The following ITPR2 variants were observed in gnomAD, a reference collection of about 807,000 sequenced individuals.
ITPR2 encodes inositol 1,4,5-trisphosphate-gated calcium channel ITPR2.
In ITPR2, 207 loss-of-function variants were observed where a neutral mutation model predicts 317.1. The observed-to-expected ratio is 0.65, with a 90% confidence interval of 0.58 to 0.73. The LOEUF (loss-of-function observed/expected upper bound fraction) is 0.73. Ranked by LOEUF, ITPR2 falls within the 30% of genes least tolerant of loss-of-function variation. ITPR2 has a pLI of 0.00. For synonymous variants in ITPR2, 1,156 were observed against 1,149.1 expected (o/e 1.01, Z -0.12); for missense variants, 2,613 against 3,284.0 (o/e 0.80, Z 4.99).
chr12:26,591,718 G>C (rs1031728665), intron 32 of ITPR2, among the ~76,000 whole-genome samples: 1 of 151,478 alleles, frequency 6.6e-6, no homozygotes, highest in Non-Finnish European at 1.5e-5. Flanking sequence ...CATGCCTGTA[G>C]TCCCAGCTAC....
intron 32 of ITPR2, among the ~76,000 whole-genome samples, chr12:26,588,899 A>C (rs1336825479): frequency 6.6e-6 from 1 of 152,228 alleles, no homozygotes; most frequent in Non-Finnish European, 1.5e-5. Context: ...TAGGATCCTG[A>C]CATTGATAGC....
At chr12:26,553,429 AG>A (rs1944578913) in intron 36 of ITPR2, among the ~76,000 whole-genome samples, 1 of 152,242 alleles carries the variant, frequency 6.6e-6, no homozygotes, top group South Asian at 2.1e-4. Context: ...AGCCCTACTT[AG>A]GGCTTGGCCC....
intron 54 of ITPR2, among the ~76,000 whole-genome samples, chr12:26,391,116 A>G (rs910193993): frequency 2.0e-5 from 3 of 152,228 alleles, no homozygotes; most frequent in African/African-American, 7.2e-5. Context: ...GAAGAAGTGA[A>G]TGGTAATAAA....
intron 13 of ITPR2, among the ~76,000 whole-genome samples, chr12:26,673,524 A>G (rs1174891229): frequency 6.0e-5 from 9 of 151,228 alleles, no homozygotes; most frequent in Admixed American, 5.3e-4. Flanking sequence ...TCAATAAATT[A>G]GGTATTGATG....
chr12:26,650,258 A>G (rs1239800653), intron 21 of ITPR2, among the ~76,000 whole-genome samples: 2 of 152,188 alleles, frequency 1.3e-5, no homozygotes, highest in Admixed American at 6.5e-5. Flanking sequence ...AAAGAGAAAA[A>G]GATCAGCAGT....
intron 34 of ITPR2, among the ~76,000 whole-genome samples, chr12:26,567,980 A>ATATATTATATATAT (rs1945032451): frequency 6.0e-3 from 46 of 7,604 alleles, no homozygotes; most frequent in South Asian, 0.037. Context: ...TATATATATT[A>ATATATTATATATAT]TATATATATA....
Position 26,659,278 on chromosome 12 carries a change from AT to A in ITPR2, c.1720del (p.Ile574LeufsTer33). ...QQDYRKNQEYIAKNFCVMQSQ... is the reference protein window; with the variant it reads ...QQDYRKNQEYXAKNFCVMQSQ... ...CTGCATGACACAGAAATTCTTAGCA[AT>A]ATATTCCTGCAAAGAAGAAAGGCTG... On this transcript the variant is annotated frameshift_variant, in exon 16 of 57. Transcript: ENST00000381340. LOFTEE classifies it high-confidence loss of function. 1 of 1,613,106 alleles carries A rather than the reference AT, an allele frequency of 6.2e-7. No individual in the cohort carries two copies. The highest frequency in any genetic ancestry group is 8.5e-7 in the Non-Finnish European group (1 of 1,179,690).
At chr12:26,515,966 A>G (rs1565574137) in intron 37 of ITPR2, among the ~76,000 whole-genome samples, 1 of 150,952 alleles carries the variant, frequency 6.6e-6, no homozygotes, top group Non-Finnish European at 1.5e-5. Flanking sequence ...AGAAAAAGAA[A>G]AAAGCTGGGT....
chr12:26,352,673 A>G lies in ITPR2; in HGVS notation c.7858-12345T>C, dbSNP rs1023546354. On this transcript the variant is annotated intron_variant, in intron 55 of 56. Transcript: ENST00000381340. ...CTGGGTGCTTGAAAATGCACACTTG[A>G]CAGACAACAGTTTTCCCCTGGAGGA... Among the ~76,000 whole-genome samples, 3 of 152,348 alleles carry G rather than the reference A, an allele frequency of 2.0e-5. No individual in the cohort carries two copies. In the East Asian group the frequency reaches 5.8e-4, roughly 29 times the overall value.
At chr12:26,390,764 T>C (rs1939808495) in intron 54 of ITPR2, among the ~76,000 whole-genome samples, 1 of 152,066 alleles carries the variant, frequency 6.6e-6, no homozygotes, top group East Asian at 1.9e-4. Context: ...AATAGAGCTA[T>C]TAACAACAAC....
intron 21 of ITPR2, among the ~76,000 whole-genome samples, chr12:26,636,602 ACTTTC>A (rs1204993920): frequency 1.3e-5 from 2 of 152,350 alleles, no homozygotes; most frequent in East Asian, 3.8e-4. Flanking sequence ...GTTTTTGCTT[ACTTTC>A]CTTTATACTT....
chr12:26,544,732 A>T (rs560299280), intron 37 of ITPR2, among the ~76,000 whole-genome samples: 2 of 151,790 alleles, frequency 1.3e-5, no homozygotes, highest in East Asian at 1.9e-4. Flanking sequence ...ATATTAGAAT[A>T]GCTCGTGTGA....
rs755644595 is a variant in ITPR2 at position 26,398,993 on chromosome 12, T to C, written c.7579A>G (p.Ile2527Val). The change falls in exon 54 of 57, where the codon ATT becomes GTT. Residue 2527 changes from isoleucine to valine, a missense_variant. Around this residue, in one of 9 missense-constraint regions of ITPR2, gnomAD observed 28 missense variants for 76.0 expected, o/e 0.37. Transcript: ENST00000381340. The stretch of plus-strand genomic sequence containing the variant: ...AAGTTCAGAACAATAATGATAACAA[T>C]GAAATAAAAAAGAAGGTCATAAACC... ...RVVYDLLFYFIVIIIVLNLIF... is the reference protein window; with the variant it reads ...RVVYDLLFYFVVIIIVLNLIF... 16 of 1,604,244 alleles carry C rather than the reference T, an allele frequency of 1.0e-5. No individual in the cohort carries two copies. The highest frequency in any genetic ancestry group is 2.2e-5 in the South Asian group (2 of 88,894).
intron 2 of ITPR2, among the ~76,000 whole-genome samples, chr12:26,729,828 G>A (rs1307269162): frequency 6.6e-6 from 1 of 152,040 alleles, no homozygotes; most frequent in Non-Finnish European, 1.5e-5. Context: ...TGAGAGGAGG[G>A]AGAGGATCAA....
chr12:26,619,055 T>C (rs1946437237), intron 26 of ITPR2, among the ~76,000 whole-genome samples: 1 of 152,216 alleles, frequency 6.6e-6, no homozygotes, highest in Admixed American at 6.5e-5. Flanking sequence ...AAGCTGTACC[T>C]TAATATCAAC....
At chr12:26,586,359 A>C (rs1321334898) in intron 32 of ITPR2, among the ~76,000 whole-genome samples, 2 of 152,262 alleles carry the variant, frequency 1.3e-5, no homozygotes, top group Non-Finnish European at 1.5e-5. Flanking sequence ...GCTGGGTCTC[A>C]AGCTTCTGGC....
chr12:26,791,298 G>T (rs189867272), intron 1 of ITPR2, among the ~76,000 whole-genome samples: 9 of 151,866 alleles, frequency 5.9e-5, no homozygotes, highest in African/African-American at 2.2e-4. Flanking sequence ...CCAGAATATT[G>T]TGAGAATGCA....
chr12:26,535,718 G>C (rs932758093), intron 37 of ITPR2, among the ~76,000 whole-genome samples: 1 of 151,976 alleles, frequency 6.6e-6, no homozygotes, highest in Non-Finnish European at 1.5e-5. Flanking sequence ...CAAATGTAAA[G>C]AAAAAAATCA....
At chr12:26,516,328 A>G (rs1591848103) in intron 37 of ITPR2, among the ~76,000 whole-genome samples, 1 of 149,072 alleles carries the variant, frequency 6.7e-6, no homozygotes, top group South Asian at 2.1e-4. Context: ...AAAGGAAAGG[A>G]AAGGAAAGGA....
Sources: gnomAD v4.1 joint callset for allele counts (sites outside exome capture counted in the v4.1 genomes callset) on GRCh38, gnomAD v4.1.1 for gene constraint, gnomAD v4.1.1 regional missense constraint, MANE v1.5 for transcripts, NCBI Gene and HGNC (gene_info 2026-07-23, HGNC 2026-07-21) for gene names.